Variants in ARHGAP21 observed in about 807,000 individuals in gnomAD.
ARHGAP21 encodes the protein rho GTPase-activating protein 21.
A neutral mutation model predicts 164.6 loss-of-function variants in ARHGAP21; 38 were observed. The ratio of observed to expected loss-of-function variants is 0.23; its 90% CI spans 0.18 to 0.30. The LOEUF (loss-of-function observed/expected upper bound fraction) is 0.30, where lower values mean the gene tolerates loss of function less well. ARHGAP21 is among the 10% of genes least tolerant of loss of function. The probability of loss-of-function intolerance (pLI) is 1.00; values close to 1 mark genes in which losing one functional copy is unlikely to be tolerated. For synonymous variants in ARHGAP21, 766 were observed against 857.9 expected (o/e 0.89, Z 1.87); for missense variants, 1,822 against 2,370.7 (o/e 0.77, Z 4.81).
At chr10:24,721,495 G>C (rs1845928400) in intron 2 of ARHGAP21, among the ~76,000 whole-genome samples, 1 of 152,170 alleles carries the variant, frequency 6.6e-6, no homozygotes, top group Non-Finnish European at 1.5e-5. Context: ...CAAATATCTC[G>C]GAAGGGGACT....
At chr10:24,686,505 A>G (rs561279992) in intron 2 of ARHGAP21, among the ~76,000 whole-genome samples, 3 of 152,330 alleles carry the variant, frequency 2.0e-5, no homozygotes. Flanking sequence ...ACAACAAAAA[A>G]GAATAGTAAG....
chr10:24,588,986 A>T (rs906343649), intron 25 of ARHGAP21, among the ~76,000 whole-genome samples: 3 of 152,028 alleles, frequency 2.0e-5, no homozygotes, highest in Admixed American at 6.6e-5. Context: ...TTTATTATTC[A>T]CTTCTGTATA....
At chr10:24,639,392 G>A (rs925553419) in intron 4 of ARHGAP21, among the ~76,000 whole-genome samples, 1 of 152,042 alleles carries the variant, frequency 6.6e-6, no homozygotes, top group Middle Eastern at 3.2e-3. Flanking sequence ...AGGTTGTTGT[G>A]AGGATTTAAA....
intron 2 of ARHGAP21, among the ~76,000 whole-genome samples, chr10:24,670,844 A>C (rs1310960300): frequency 6.6e-6 from 1 of 152,172 alleles, no homozygotes; most frequent in East Asian, 1.9e-4. Context: ...AAAATAACAG[A>C]AAAGGTCTTC....
chr10:24,695,097 C>T lies in ARHGAP21; in HGVS notation c.64-24700G>A, dbSNP rs1328288921. ...AAAAAAAAAAAAAAAAAAAAAAAAA[C>T]GAAAAGAAAGAAAAGAAACTCCCTG... On this transcript the variant is annotated intron_variant, in intron 2 of 25. Transcript: ENST00000396432. Among the ~76,000 whole-genome samples the T allele has an allele frequency of 1.5e-4, 14 of 91,136 alleles. 1 individual carries two copies. The highest frequency in any genetic ancestry group is 1.2e-3 in the Admixed American group (10 of 8,044). The allele number at this position is 91,136 out of a possible 152,430, so 59.8% of individuals were successfully genotyped here. A position where few individuals can be genotyped will look rare whatever the true frequency, so the allele number is the denominator to read the frequency against.
At chr10:24,611,772 G>T (rs563066125) in intron 9 of ARHGAP21, among the ~76,000 whole-genome samples, 1 of 152,190 alleles carries the variant, frequency 6.6e-6, no homozygotes, top group South Asian at 2.1e-4. Flanking sequence ...CATTACTTGG[G>T]TATCTGGATC....
intron 21 of ARHGAP21, among the ~76,000 whole-genome samples, chr10:24,594,115 TG>T (rs983915946): frequency 1.3e-5 from 2 of 152,222 alleles, no homozygotes; most frequent in African/African-American, 4.8e-5. Flanking sequence ...CCTGAGCTTG[TG>T]GTATTCTTTT....
chr10:24,643,665 G>A (rs1170542251), intron 4 of ARHGAP21, among the ~76,000 whole-genome samples: 2 of 152,242 alleles, frequency 1.3e-5, no homozygotes, highest in East Asian at 1.9e-4. Flanking sequence ...CAAAGCATTC[G>A]ATGTGCCAAT....
chr10:24,718,557 G>A (rs1366301667), intron 2 of ARHGAP21, among the ~76,000 whole-genome samples: 2 of 152,106 alleles, frequency 1.3e-5, no homozygotes, highest in African/African-American at 2.4e-5. Flanking sequence ...AGGAGGGGAG[G>A]AGAAGAGAGA....
At chr10:24,653,937 C>T (rs372523744) in intron 4 of ARHGAP21, among the ~76,000 whole-genome samples, 8 of 152,008 alleles carry the variant, frequency 5.3e-5, no homozygotes, top group African/African-American at 1.4e-4. Context: ...GGTGAAAAGA[C>T]GACCTACATA....
At chr10:24,710,955 A>C (rs1271374306) in intron 2 of ARHGAP21, among the ~76,000 whole-genome samples, 1 of 151,848 alleles carries the variant, frequency 6.6e-6, no homozygotes, top group Non-Finnish European at 1.5e-5. Flanking sequence ...TTGGCTGGGC[A>C]TGGTGGAGGG....
At chr10:24,680,932 A>G (rs1224883706) in intron 2 of ARHGAP21, among the ~76,000 whole-genome samples, 3 of 152,244 alleles carry the variant, frequency 2.0e-5, no homozygotes, top group African/African-American at 7.2e-5. Flanking sequence ...ATTCCTGTGG[A>G]CTAAGAACTG....
intron 3 of ARHGAP21, among the ~76,000 whole-genome samples, chr10:24,668,048 CTA>C (rs1176410496): frequency 5.3e-5 from 8 of 152,270 alleles, no homozygotes; most frequent in African/African-American, 1.9e-4. Context: ...GTGTCAATTT[CTA>C]TGTTAAGTGT....
chr10:24,704,289 CTTTTTTTTTTTT>C (rs201080039), intron 2 of ARHGAP21, among the ~76,000 whole-genome samples: 2 of 125,978 alleles, frequency 1.6e-5, no homozygotes, highest in Non-Finnish European at 3.3e-5. Flanking sequence ...TTTTTCTTTT[CTTTTTTTTTTTT>C]TTTTTTTGAG....
At chr10:24,670,501 T>C in intron 2 of ARHGAP21, 104 bp from the exon 3 acceptor site, 1 of 616,838 alleles carries the variant, frequency 1.6e-6, no homozygotes, top group Non-Finnish European at 2.5e-6. Context: ...CGATATGAAC[T>C]ATTTTCTGAT....
Position 24,628,810 on chromosome 10 carries a change from TATATAC to T in ARHGAP21, c.495+1180_495+1185del, listed in dbSNP as rs1335313281. ...ACACATATATACACATATATACATA[TATATAC>T]ATATACACACATATATGTACATATA... is the stretch of plus-strand genomic sequence containing the variant. On this transcript the variant is annotated intron_variant, in intron 7 of 25. Coordinates refer to ENST00000396432, the MANE Select transcript of ARHGAP21 (RefSeq NM_020824.4). Among the ~76,000 whole-genome samples the T allele has an allele frequency of 7.1e-3, 727 of 101,998 alleles. 7 individuals are homozygous for T. The highest frequency in any genetic ancestry group is 0.023 in the African/African-American group (644 of 28,034). The allele number at this position is 101,998 out of a possible 152,430, so 66.9% of individuals were successfully genotyped here. A position where few individuals can be genotyped will look rare whatever the true frequency, so the allele number is the denominator to read the frequency against.
intron 4 of ARHGAP21, among the ~76,000 whole-genome samples, chr10:24,663,048 G>A (rs1024229698): frequency 6.6e-6 from 1 of 151,612 alleles, no homozygotes; most frequent in African/African-American, 2.4e-5. Context: ...GGGTTCCACA[G>A]GGTCTATTAC....
intron 2 of ARHGAP21, among the ~76,000 whole-genome samples, chr10:24,681,134 G>C (rs1841718509): frequency 6.6e-6 from 1 of 152,094 alleles, no homozygotes; most frequent in African/African-American, 2.4e-5. Context: ...AAATAAAGGT[G>C]ATAAAAACCT....
rs775161769 is a variant in ARHGAP21 at position 24,584,549 on chromosome 10, G to A, written c.5740C>T (p.Pro1914Ser). Residue 1914 changes from proline to serine, a missense_variant, in exon 26 of 26, where the codon CCA becomes TCA. This residue lies in a region of ARHGAP21 where 165 missense variants were observed against 176.6 expected (regional missense o/e 0.93). Transcript: ENST00000396432. ...ASTNRPLLSI[P>S]PQSPDQINGE... Reference sequence around the variant, plus strand: ...TTTATTTGGTCAGGTGACTGTGGTGGTATGGAAAGAAGGGGCCTGTTTGTT... The same window carrying A: ...TTTATTTGGTCAGGTGACTGTGGTGATATGGAAAGAAGGGGCCTGTTTGTT... 2.5e-6 allele frequency: 4 copies of A among 1,613,796 alleles called. No homozygotes were observed. Among genetic ancestry groups the A allele is most frequent in the Non-Finnish European group, 3.4e-6 (4 of 1,179,866 alleles).
Sources: gnomAD v4.1 joint callset for allele counts (sites outside exome capture counted in the v4.1 genomes callset) on GRCh38, gnomAD v4.1.1 for gene constraint, gnomAD v4.1.1 regional missense constraint, MANE v1.5 for transcripts, NCBI Gene and HGNC (gene_info 2026-07-23, HGNC 2026-07-21) for gene names.